YAP1: variants seen among roughly 807,000 people sequenced by gnomAD.
YAP1 encodes transcriptional coactivator YAP1.
Under a neutral mutation model 56.9 loss-of-function variants are expected in YAP1, and 5 were observed. The observed-to-expected ratio is 0.09, with a 90% CI of 0.05 to 0.18. The LOEUF is 0.18. Among genes scored for constraint, YAP1 ranks in the 10% least tolerant of loss-of-function variants. The pLI is 1.00. For synonymous variants in YAP1, 265 were observed against 248.1 expected (o/e 1.07, Z -0.64); for missense variants, 539 against 651.8 (o/e 0.83, Z 1.88).
At position 102,231,127 on chromosome 11, in the gene YAP1, G is replaced by A. The variant is rs1355369450; in HGVS notation, c.*1187G>A. The A allele has an allele frequency of 6.6e-6, 1 of 152,178 alleles. No homozygotes were observed. Among genetic ancestry groups the A allele is most frequent in the African/African-American group, 2.4e-5 (1 of 41,426 alleles). The allele number at this position is 152,178 out of a possible 1,614,324, so 9.4% of individuals were successfully genotyped here. On this transcript the variant is annotated 3_prime_UTR_variant, in exon 9 of 9. Coordinates refer to ENST00000282441, the MANE Select transcript of YAP1 (RefSeq NM_001130145.3). Reference sequence around the variant, plus strand: ...AGTGCTCCACGCCCTCTGGGCATACGGTAGATATTATCTGATGAATTGGAA... The same window carrying A: ...AGTGCTCCACGCCCTCTGGGCATACAGTAGATATTATCTGATGAATTGGAA...
At position 102,114,372 on chromosome 11, in the gene YAP1, T is replaced by G. The variant is rs1565417458; in HGVS notation, c.550T>G (p.Ser184Ala). The G allele has an allele frequency of 6.2e-7, 1 of 1,613,992 alleles. No homozygotes were observed. The highest frequency in any genetic ancestry group is 8.5e-7 in the Non-Finnish European group (1 of 1,179,814). Reference protein sequence around the residue: ...PAGWEMAKTSSGQRYFLNHID... With the variant: ...PAGWEMAKTSAGQRYFLNHID... ...AGGTTGGGAGATGGCAAAGACATCT[T>G]CTGGTCAGAGATACTTCTTAAAGTA... The change falls in exon 2 of 9, where the codon TCT (serine) becomes GCT (alanine). Residue 184 changes from serine (S) to alanine (A), a missense_variant. This residue lies in a region of YAP1 where 414 missense variants were observed against 512.4 expected (regional missense o/e 0.81). Transcript: ENST00000282441.
At chr11:102,171,782 T>C in intron 3 of YAP1, among the ~76,000 whole-genome samples, 1 of 152,164 alleles carries the variant, frequency 6.6e-6, no homozygotes, top group East Asian at 1.9e-4. Flanking sequence ...GAGATAATAG[T>C]ATTTTTCCCT....
chr11:102,120,024 C>T (rs890853128), intron 2 of YAP1, among the ~76,000 whole-genome samples: 2 of 152,140 alleles, frequency 1.3e-5, no homozygotes, highest in East Asian at 1.9e-4. Flanking sequence ...AGAGCTGTGT[C>T]GTTCTATAAC....
intron 7 of YAP1, among the ~76,000 whole-genome samples, chr11:102,224,645 T>C (rs1950105128): frequency 6.6e-6 from 1 of 150,916 alleles, no homozygotes; most frequent in African/African-American, 2.4e-5. Flanking sequence ...GCTAAAAGTA[T>C]TTAGTGCAAT....
At position 102,225,075 on chromosome 11, in the gene YAP1, G is replaced by C. The variant is rs3930314; in HGVS notation, c.1163+1323G>C. On this transcript the variant is annotated intron_variant, in intron 7 of 8. Transcript: ENST00000282441. ...TCTATTTTCTGGGAAGATCAGAGTGGCAGATAATCAGTGTTACTAATCTAA... is the reference window on the plus strand; with the variant it reads ...TCTATTTTCTGGGAAGATCAGAGTGCCAGATAATCAGTGTTACTAATCTAA... Among the ~76,000 whole-genome samples, 438 of 152,214 alleles carry C rather than the reference G, an allele frequency of 2.9e-3. 13 individuals are homozygous for C. The highest frequency in any genetic ancestry group is 0.021 in the Admixed American group (320 of 15,286).
chr11:102,198,089 A>G (rs571470338), intron 4 of YAP1, among the ~76,000 whole-genome samples: 1 of 152,284 alleles, frequency 6.6e-6, no homozygotes, highest in East Asian at 1.9e-4. Flanking sequence ...ATCCATAGGT[A>G]ACAACATTTA....
chr11:102,181,310 G>C (rs1242006733), intron 3 of YAP1, among the ~76,000 whole-genome samples: 1 of 152,098 alleles, frequency 6.6e-6, no homozygotes, highest in Non-Finnish European at 1.5e-5. Context: ...GCCGAGCGTG[G>C]TGGTGGGCCC....
At chr11:102,207,106 TTTG>T (rs1180006681) in intron 5 of YAP1, among the ~76,000 whole-genome samples, 1 of 152,138 alleles carries the variant, frequency 6.6e-6, no homozygotes, top group African/African-American at 2.4e-5. Context: ...GATAAGGTCT[TTTG>T]TTAAGTAGCG....
At chr11:102,111,864 C>A (rs1283726555) in intron 1 of YAP1, among the ~76,000 whole-genome samples, 1 of 151,390 alleles carries the variant, frequency 6.6e-6, no homozygotes, top group Non-Finnish European at 1.5e-5. Flanking sequence ...TTATTTTCCT[C>A]GCGGCTCAGG....
At chr11:102,180,571 A>G (rs1468778834) in intron 3 of YAP1, among the ~76,000 whole-genome samples, 1 of 150,542 alleles carries the variant, frequency 6.6e-6, no homozygotes, top group Non-Finnish European at 1.5e-5. Flanking sequence ...AGTCCCAGCT[A>G]CTTGGGATGC....
At chr11:102,140,489 C>T (rs948764766) in intron 2 of YAP1, among the ~76,000 whole-genome samples, 1 of 152,116 alleles carries the variant, frequency 6.6e-6, no homozygotes, top group East Asian at 1.9e-4. Flanking sequence ...TAGCAACACA[C>T]ACTAAAAAGA....
intron 2 of YAP1, among the ~76,000 whole-genome samples, chr11:102,137,652 A>T (rs1461941364): frequency 6.6e-6 from 1 of 152,068 alleles, no homozygotes; most frequent in East Asian, 1.9e-4. Context: ...GTTAAATCTG[A>T]CTTTTTAGGT....
intron 3 of YAP1, among the ~76,000 whole-genome samples, chr11:102,167,817 T>G (rs1375570412): frequency 6.6e-6 from 1 of 152,132 alleles, no homozygotes; most frequent in Non-Finnish European, 1.5e-5. Flanking sequence ...GTGGGAGGAT[T>G]GCTTGAGCCT....
At chr11:102,190,514 C>CT (rs1387966514) in intron 4 of YAP1, among the ~76,000 whole-genome samples, 2 of 151,836 alleles carry the variant, frequency 1.3e-5, no homozygotes, top group African/African-American at 2.4e-5. Flanking sequence ...CGCTTGTAGT[C>CT]ACTCAGGAGG....
chr11:102,203,591 C>T (rs182351812), intron 4 of YAP1, among the ~76,000 whole-genome samples: 44 of 152,104 alleles, frequency 2.9e-4, no homozygotes. Flanking sequence ...CATGTATTAA[C>T]AATTGGGAAG....
At chr11:102,179,941 A>G (rs1457118941) in intron 3 of YAP1, among the ~76,000 whole-genome samples, 1 of 152,014 alleles carries the variant, frequency 6.6e-6, no homozygotes, top group Non-Finnish European at 1.5e-5. Context: ...GAATGAAACA[A>G]TATTTTGTTT....
chr11:102,118,305 ATTAAG>A (rs1419148440), intron 2 of YAP1, among the ~76,000 whole-genome samples: 1 of 152,144 alleles, frequency 6.6e-6, no homozygotes, highest in African/African-American at 2.4e-5. Context: ...CTGTGATTTG[ATTAAG>A]TTATATTGAG....
Position 102,176,049 on chromosome 11 carries a change from T to TA in YAP1, c.689-9960dup, listed in dbSNP as rs906555473. 6.9e-3 allele frequency among the ~76,000 whole-genome samples: 1,043 copies of TA among 151,614 alleles called. 10 individuals carry two copies. Among genetic ancestry groups the TA allele is most frequent in the African/African-American group, 0.023 (946 of 41,372 alleles). ...TTTATGTTTATGGAAGACTCCTTTG[T>TA]AAAAAAAAACTGAAGAAGAATCAGA... On this transcript the variant is annotated intron_variant, in intron 3 of 8. Transcript: ENST00000282441.
At chr11:102,120,516 T>C (rs1034340141) in intron 2 of YAP1, among the ~76,000 whole-genome samples, 1 of 152,246 alleles carries the variant, frequency 6.6e-6, no homozygotes, top group African/African-American at 2.4e-5. Flanking sequence ...TGCCATTACT[T>C]CATGTGCTGT....
Sources: allele counts gnomAD v4.1 joint callset (sites outside exome capture counted in the v4.1 genomes callset), GRCh38; gene constraint gnomAD v4.1.1; regional missense constraint gnomAD v4.1.1; transcripts MANE v1.5; gene names NCBI Gene and HGNC (gene_info 2026-07-23, HGNC 2026-07-21).